ARHGAP21: variants seen among roughly 807,000 people sequenced by gnomAD.
The protein encoded by ARHGAP21 is Rho GTPase activating protein 21, also known as rho GTPase-activating protein 21.
In ARHGAP21, 38 loss-of-function variants were observed where a neutral mutation model predicts 164.6. That is an observed-to-expected ratio of 0.23 (90% confidence interval 0.18 to 0.30). The LOEUF (loss-of-function observed/expected upper bound fraction) is 0.30. Among genes scored for constraint, ARHGAP21 ranks in the 10% least tolerant of loss-of-function variants. The probability of loss-of-function intolerance (pLI) is 1.00; values close to 1 mark genes in which losing one functional copy is unlikely to be tolerated. For missense variants in ARHGAP21, 1,822 were observed against 2,370.7 expected (o/e 0.77, Z 4.81); for synonymous variants, 766 against 857.9 (o/e 0.89, Z 1.87).
chr10:24,625,417 G>C (rs1268715444), intron 7 of ARHGAP21, among the ~76,000 whole-genome samples: 1 of 150,664 alleles, frequency 6.6e-6, no homozygotes, highest in African/African-American at 2.4e-5. Context: ...TATGATAAAA[G>C]CAAGAGTAAC....
At chr10:24,606,814 C>T (rs1259237463) in intron 11 of ARHGAP21, among the ~76,000 whole-genome samples, 1 of 152,086 alleles carries the variant, frequency 6.6e-6, no homozygotes, top group Non-Finnish European at 1.5e-5. Flanking sequence ...GCACTCCAGC[C>T]TGGGCAACAA....
At chr10:24,679,139 GT>G (rs1841537468) in intron 2 of ARHGAP21, among the ~76,000 whole-genome samples, 1 of 152,214 alleles carries the variant, frequency 6.6e-6, no homozygotes, top group Non-Finnish European at 1.5e-5. Flanking sequence ...GAGTGCTACT[GT>G]TGGGTCATAT....
Position 24,584,368 on chromosome 10 carries a change from G to C in ARHGAP21, c.*44C>G. ...AATATTGACAGAGTTACTGGAACGT[G>C]TAACAGTAGTTTTTTTACTTGCTAG... On this transcript the variant is annotated 3_prime_UTR_variant, in exon 26 of 26. Coordinates refer to ENST00000396432, the MANE Select transcript of ARHGAP21 (RefSeq NM_020824.4). 6.6e-7 allele frequency: 1 copy of C among 1,524,666 alleles called. No homozygotes were observed. The highest frequency in any genetic ancestry group is 8.8e-7 in the Non-Finnish European group (1 of 1,136,982). 94.4% of individuals were successfully genotyped at this position (1,524,666 alleles called of 1,614,324 possible).
intron 2 of ARHGAP21, chr10:24,714,501 C>T (rs1370291323): frequency 5.3e-5 from 8 of 152,178 alleles, no homozygotes; most frequent in Non-Finnish European, 1.5e-5. Flanking sequence ...AAAATCCAGG[C>T]TTCTGCCGAA....
intron 4 of ARHGAP21, among the ~76,000 whole-genome samples, chr10:24,642,468 T>TGCG (rs1837157417): frequency 7.5e-6 from 1 of 133,946 alleles, no homozygotes; most frequent in African/African-American, 2.9e-5. Flanking sequence ...TGAGCCAAGA[T>TGCG]CGCGCCACTG....
At chr10:24,690,777 G>A (rs551643469) in intron 2 of ARHGAP21, among the ~76,000 whole-genome samples, 4 of 151,154 alleles carry the variant, frequency 2.6e-5, no homozygotes, top group African/African-American at 7.3e-5. Context: ...GCAGTGAGCC[G>A]AGATCGCGCC....
intron 2 of ARHGAP21, among the ~76,000 whole-genome samples, chr10:24,673,976 A>G (rs989288127): frequency 2.1e-4 from 32 of 152,256 alleles, no homozygotes; most frequent in African/African-American, 7.7e-4. Flanking sequence ...TTTCTTAGAT[A>G]TAACCCCAAG....
At chr10:24,643,150 T>C (rs1216357497) in intron 4 of ARHGAP21, among the ~76,000 whole-genome samples, 2 of 152,198 alleles carry the variant, frequency 1.3e-5, no homozygotes, top group Non-Finnish European at 2.9e-5. Flanking sequence ...TGGGTGTTAT[T>C]CATTCAACAA....
chr10:24,620,336 C>T lies in ARHGAP21; in HGVS notation c.1559G>A (p.Gly520Glu), dbSNP rs1304922383. The T allele has an allele frequency of 6.2e-7, 1 of 1,613,806 alleles. No individual in the cohort carries two copies. The highest frequency in any genetic ancestry group is 8.5e-7 in the Non-Finnish European group (1 of 1,179,878). The change falls in exon 9 of 26, where the codon GGA (glycine) becomes GAA (glutamate). Residue 520 changes from glycine (G) to glutamate (E), a missense_variant. Coordinates refer to ENST00000396432, the MANE Select transcript of ARHGAP21 (RefSeq NM_020824.4). ...CCACTTGTAAGTCTGTTTTTTCTCT[C>T]CATTGGAATCAGGTATTGGAGTTCC... ...NSGTPIPDSN[G>E]EKKQTYKWSG...
At chr10:24,703,890 A>T (rs1192876864) in intron 2 of ARHGAP21, among the ~76,000 whole-genome samples, 1 of 152,228 alleles carries the variant, frequency 6.6e-6, no homozygotes, top group Non-Finnish European at 1.5e-5. Context: ...AAGAGGTTAC[A>T]CACTAAAAGC....
At chr10:24,657,640 CG>C (rs1330327618) in intron 4 of ARHGAP21, among the ~76,000 whole-genome samples, 21 of 124,864 alleles carry the variant, frequency 1.7e-4, no homozygotes, top group Admixed American at 8.0e-4. Context: ...ATTGAGAAAC[CG>C]GATGGTTGCC....
chr10:24,654,301 A>T (rs929953237), intron 4 of ARHGAP21, among the ~76,000 whole-genome samples: 10 of 152,218 alleles, frequency 6.6e-5, no homozygotes, highest in African/African-American at 2.2e-4. Flanking sequence ...AGAGAGAAAT[A>T]AAGCATATTC....
chr10:24,658,164 G>T (rs1839273354), intron 4 of ARHGAP21, among the ~76,000 whole-genome samples: 1 of 151,988 alleles, frequency 6.6e-6, no homozygotes, highest in African/African-American at 2.4e-5. Flanking sequence ...TCTTTAAAAA[G>T]TCAGGAAACA....
At chr10:24,687,855 C>G (rs1842359987) in intron 2 of ARHGAP21, among the ~76,000 whole-genome samples, 1 of 152,184 alleles carries the variant, frequency 6.6e-6, no homozygotes, top group Non-Finnish European at 1.5e-5. Context: ...CGGTCAGACA[C>G]ATATCATGTG....
chr10:24,707,834 G>A (rs1411311992), intron 2 of ARHGAP21, among the ~76,000 whole-genome samples: 2 of 152,094 alleles, frequency 1.3e-5, no homozygotes, highest in African/African-American at 4.8e-5. Flanking sequence ...GATTATCACA[G>A]GGCATCTAGT....
At chr10:24,590,477 C>A in intron 24 of ARHGAP21, 3 of 1,535,170 alleles carry the variant, frequency 2.0e-6, no homozygotes, top group Non-Finnish European at 2.6e-6. Context: ...CCTCCCACTT[C>A]GCCTGTTCAA....
chr10:24,616,467 T>C (rs1239767200), intron 9 of ARHGAP21, among the ~76,000 whole-genome samples: 3 of 152,244 alleles, frequency 2.0e-5, no homozygotes, highest in Non-Finnish European at 4.4e-5. Context: ...GTAATCCAGC[T>C]ATATCTTACC....
At chr10:24,612,836 C>T (rs1368231912) in intron 9 of ARHGAP21, among the ~76,000 whole-genome samples, 1 of 151,354 alleles carries the variant, frequency 6.6e-6, no homozygotes, top group Non-Finnish European at 1.5e-5. Context: ...GCCTGGGCAA[C>T]AGAGCAAGAC....
At chr10:24,628,747 T>G (rs868704887) in intron 7 of ARHGAP21, among the ~76,000 whole-genome samples, 25 of 124,330 alleles carry the variant, frequency 2.0e-4, no homozygotes, top group Middle Eastern at 4.0e-3. Context: ...TTTTCTTGAA[T>G]GAAATATGTG....
Sources: allele counts gnomAD v4.1 joint callset (sites outside exome capture counted in the v4.1 genomes callset), GRCh38; gene constraint gnomAD v4.1.1; transcripts MANE v1.5; gene names NCBI Gene and HGNC (gene_info 2026-07-23, HGNC 2026-07-21).